Variants in GOLM1 observed in about 807,000 individuals in gnomAD.
GOLM1 encodes the protein epididymis luminal protein 46.
GOLM1 carries 31 observed loss-of-function variants against 50.5 expected under a neutral mutation model. The ratio of observed to expected loss-of-function variants is 0.61; its 90% CI spans 0.46 to 0.83. The LOEUF is 0.83. GOLM1 is among the 40% of genes least tolerant of loss of function. GOLM1 has a pLI of 0.00. For missense variants in GOLM1, 491 were observed against 501.3 expected (o/e 0.98, Z 0.20); for synonymous variants, 178 against 192.8 (o/e 0.92, Z 0.64).
chr9:86,098,412 A>T (rs1835417005), intron 1 of GOLM1, among the ~76,000 whole-genome samples: 1 of 152,186 alleles, frequency 6.6e-6, no homozygotes, highest in Non-Finnish European at 1.5e-5. Flanking sequence ...AGCTAAACAA[A>T]GCCACTCAAG....
chr9:86,058,853 C>T (rs920119676), intron 3 of GOLM1, among the ~76,000 whole-genome samples: 1 of 151,980 alleles, frequency 6.6e-6, no homozygotes, highest in Non-Finnish European at 1.5e-5. Flanking sequence ...AAAAATTAGC[C>T]GGATGTGGTG....
At chr9:86,035,885 A>AAAAC (rs1564340961) in intron 7 of GOLM1, among the ~76,000 whole-genome samples, 2 of 144,918 alleles carry the variant, frequency 1.4e-5, no homozygotes, top group African/African-American at 5.1e-5. Flanking sequence ...AAACAAAACA[A>AAAAC]AAAAAAAAAA....
intron 1 of GOLM1, among the ~76,000 whole-genome samples, chr9:86,084,104 C>G (rs1017313957): frequency 6.6e-6 from 1 of 152,200 alleles, no homozygotes; most frequent in Non-Finnish European, 1.5e-5. Flanking sequence ...GATGAACCAA[C>G]AGCAAGCTTA....
Position 86,036,347 on chromosome 9 carries a change from C to G in GOLM1, c.757+1G>C, listed in dbSNP as rs772041739. ...CAGGGCAACTGCTGGGCTCTGCTTA[C>G]CTTTCTCAACTTGTCTCTTTGAATC... On this transcript the variant is annotated splice_donor_variant, in intron 7 of 9. Coordinates refer to ENST00000388712, the MANE Select transcript of GOLM1 (RefSeq NM_016548.4). LOFTEE classifies it high-confidence loss of function. The G allele has an allele frequency of 2.6e-5, 42 of 1,614,068 alleles. No individual in the cohort carries two copies. Among genetic ancestry groups the G allele is most frequent in the Non-Finnish European group, 3.5e-5 (41 of 1,180,022 alleles).
chr9:86,027,381 G>A lies in GOLM1; in HGVS notation c.*436C>T, dbSNP rs1317992443. 5 of 991,524 alleles carry A rather than the reference G, an allele frequency of 5.0e-6. No homozygotes were observed. The highest frequency in any genetic ancestry group is 6.0e-6 in the Non-Finnish European group (5 of 834,220). 61.4% of individuals were successfully genotyped at this position (991,524 alleles called of 1,614,324 possible). A position where few individuals can be genotyped will look rare whatever the true frequency, so the allele number is the denominator to read the frequency against. The stretch of plus-strand genomic sequence containing the variant: ...GACTTTTCAGTGAGAACAGGTAACA[G>A]GCTGGCACCAGCACTTGGTACAGCA... On this transcript the variant is annotated 3_prime_UTR_variant, in exon 10 of 10. Transcript: ENST00000388712.
Position 86,036,444 on chromosome 9 carries a change from G to GCA in GOLM1, c.659_660dup (p.Pro221CysfsTer42). On this transcript the variant is annotated frameshift_variant, in exon 7 of 10. Coordinates refer to ENST00000388712, the MANE Select transcript of GOLM1 (RefSeq NM_016548.4). LOFTEE classifies it high-confidence loss of function. ...CCAAGCACGTTTCCCTTCCCTTGTG[G>GCA]CACCTCTGTGTGTGGCAGGCCTGCT... 1 of 1,614,100 alleles carries GCA rather than the reference G, an allele frequency of 6.2e-7. No individual in the cohort carries two copies. The highest frequency in any genetic ancestry group is 1.3e-5 in the African/African-American group (1 of 75,018).
At chr9:86,077,011 C>A (rs1834637043) in intron 3 of GOLM1, among the ~76,000 whole-genome samples, 1 of 152,138 alleles carries the variant, frequency 6.6e-6, no homozygotes, top group Non-Finnish European at 1.5e-5. Context: ...GTCTGCCTCT[C>A]CTCTCCTCCA....
At position 86,033,324 on chromosome 9, in the gene GOLM1, C is replaced by G. The variant is rs1372784020; in HGVS notation, c.1087G>C (p.Asp363His). The G allele has an allele frequency of 6.2e-7, 1 of 1,613,200 alleles. No individual in the cohort carries two copies. The highest frequency in any genetic ancestry group is 1.3e-5 in the African/African-American group (1 of 74,910). The change falls in exon 9 of 10, where the codon GAC becomes CAC. Residue 363 changes from aspartate (D) to histidine (H), a missense_variant. Asp to His is a moderately conservative substitution (Grantham distance 81). Coordinates refer to ENST00000388712, the MANE Select transcript of GOLM1 (RefSeq NM_016548.4). The stretch of plus-strand genomic sequence containing the variant: ...TTCCCTGCCAGGGCTGCTTGCTTGT[C>G]TGTCTCAGATTCTGCTTCATTTTCA... ...MDENEAESET[D>H]KQAALAGNDR... is the part of the protein sequence containing the mutation.
intron 1 of GOLM1, among the ~76,000 whole-genome samples, chr9:86,083,425 C>T (rs1420294562): frequency 6.6e-6 from 1 of 152,208 alleles, no homozygotes; most frequent in Non-Finnish European, 1.5e-5. Context: ...TGCTCTGTCA[C>T]CCAGGCTAGA....
rs1256710856 is a variant in GOLM1, at chr9:86,099,506, C to T, written c.-117G>A. On this transcript the variant is annotated 5_prime_UTR_variant, in exon 1 of 10. Transcript: ENST00000388712. The stretch of plus-strand genomic sequence containing the variant: ...CGCCGCCGCCGGCCTCGAGCTCCGG[C>T]CGGCTCCGCGCCGTGCGCCCAGCGC... 6.7e-6 allele frequency: 1 copy of T among 149,882 alleles called. No homozygotes were observed. The highest frequency in any genetic ancestry group is 1.5e-5 in the Non-Finnish European group (1 of 67,270). The allele number at this position is 149,882 out of a possible 1,614,324, so 9.3% of individuals were successfully genotyped here.
chr9:86,054,024 C>A (rs1833910708), intron 3 of GOLM1, among the ~76,000 whole-genome samples: 1 of 152,186 alleles, frequency 6.6e-6, no homozygotes, highest in African/African-American at 2.4e-5. Context: ...AACTTCTGGC[C>A]TCCTTCTCCT....
intron 1 of GOLM1, among the ~76,000 whole-genome samples, chr9:86,084,738 A>ATAT (rs1390446254): frequency 6.6e-6 from 1 of 152,178 alleles, no homozygotes; most frequent in Non-Finnish European, 1.5e-5. Flanking sequence ...TTCTAGTTAA[A>ATAT]TATTAATATT....
chr9:86,056,827 G>A (rs1003873598), intron 3 of GOLM1, among the ~76,000 whole-genome samples: 2 of 151,730 alleles, frequency 1.3e-5, no homozygotes, highest in Non-Finnish European at 2.9e-5. Context: ...TTAAGAGACA[G>A]TCTCACTCTG....
In GOLM1 at chr9:86,035,487, G is replaced by A. The variant is rs200491304; in HGVS notation, c.896C>T (p.Thr299Ile). 7 of 1,613,484 alleles carry A rather than the reference G, an allele frequency of 4.3e-6. No homozygotes were observed. Among genetic ancestry groups the A allele is most frequent in the South Asian group, 1.1e-5 (1 of 91,070 alleles). ...TGACAGGGCAGCCTGCACCTGTGGGGTCTGGCCCAGTTCTCCGGCTCCCCC... is the reference window on the plus strand; with the variant it reads ...TGACAGGGCAGCCTGCACCTGTGGGATCTGGCCCAGTTCTCCGGCTCCCCC... Reference protein sequence around the residue: ...GFGGAGELGQTPQVQAALSVS... With the variant: ...GFGGAGELGQIPQVQAALSVS... The change falls in exon 8 of 10, where the codon ACC becomes ATC. Residue 299 changes from threonine to isoleucine, a missense_variant. Coordinates refer to ENST00000388712, the MANE Select transcript of GOLM1 (RefSeq NM_016548.4).
chr9:86,056,984 T>G (rs925950928), intron 3 of GOLM1, among the ~76,000 whole-genome samples: 1 of 152,176 alleles, frequency 6.6e-6, no homozygotes, highest in Non-Finnish European at 1.5e-5. Context: ...ACAAAATTGT[T>G]CTTAAATGAA....
In GOLM1 at chr9:86,027,259, C is replaced by CTACTT; in HGVS notation, c.*553_*557dup. On this transcript the variant is annotated 3_prime_UTR_variant, in exon 10 of 10. Coordinates refer to ENST00000388712, the MANE Select transcript of GOLM1 (RefSeq NM_016548.4). ...TTTGTATTTAGACTTAAAGCTGTTGCTACTTTGCTAGTGACGTTTGTGTTA... is the reference window on the plus strand; with the variant it reads ...TTTGTATTTAGACTTAAAGCTGTTGCTACTTTACTTTGCTAGTGACGTTTGTGTTA... The CTACTT allele has an allele frequency of 3.0e-6, 3 of 985,474 alleles. No individual in the cohort carries two copies. The highest frequency in any genetic ancestry group is 3.6e-6 in the Non-Finnish European group (3 of 829,958). The allele number at this position is 985,474 out of a possible 1,614,324, so 61.0% of individuals were successfully genotyped here.
intron 6 of GOLM1, 175 bp from the exon 7 acceptor site, chr9:86,036,682 GAAGAC>G (rs1833157238): frequency 3.2e-6 from 2 of 627,946 alleles, no homozygotes; most frequent in Non-Finnish European, 2.7e-6. Context: ...GCGTAAATCA[GAAGAC>G]AAGAGGTTGA....
In GOLM1 at chr9:86,034,199, A is replaced by G. The variant is rs914107984; in HGVS notation, c.1016-804T>C. Among the ~76,000 whole-genome samples the G allele has an allele frequency of 1.7e-4, 26 of 152,140 alleles. 1 individual carries two copies. The East Asian group carries it at 5.0e-3, about 29-fold the overall frequency. ...AGGATGGTCTTGAACTCCTGACCTC[A>G]TGATCCGCCCACCTCGGCCTCTCAA... On this transcript the variant is annotated intron_variant, in intron 8 of 9. Coordinates refer to ENST00000388712, the MANE Select transcript of GOLM1 (RefSeq NM_016548.4).
At chr9:86,050,858 T>A (rs2118722714) in intron 4 of GOLM1, among the ~76,000 whole-genome samples, 1 of 152,330 alleles carries the variant, frequency 6.6e-6, no homozygotes, top group Non-Finnish European at 1.5e-5. Context: ...TTTGTCTCCA[T>A]CTCCTTCAGT....
Sources: gnomAD v4.1 joint callset for allele counts (sites outside exome capture counted in the v4.1 genomes callset) on GRCh38, gnomAD v4.1.1 for gene constraint, MANE v1.5 for transcripts, NCBI Gene and HGNC (gene_info 2026-07-23, HGNC 2026-07-21) for gene names.